Variants in CDH13 observed in about 807,000 individuals in gnomAD.
CDH13 encodes the protein cadherin 13.
A neutral mutation model predicts 63.8 loss-of-function variants in CDH13; 24 were observed. The observed-to-expected ratio is 0.38, with a 90% CI of 0.27 to 0.53. CDH13 has a LOEUF of 0.53. CDH13 is among the 20% of genes least tolerant of loss of function. CDH13 has a pLI of 0.85. For synonymous variants in CDH13, 503 were observed against 355.3 expected, an observed-to-expected ratio of 1.42 and a Z score of -4.67; for missense variants, 1,049 against 903.1, an observed-to-expected ratio of 1.16 and a Z score of -2.07.
At chr16:83,114,943 T>G (rs923334135) in intron 3 of CDH13, among the ~76,000 whole-genome samples, 23 of 152,246 alleles carry the variant, frequency 1.5e-4, no homozygotes, top group African/African-American at 5.5e-4. Context: ...GATTGGCTTC[T>G]GCAGTTCCAT....
intron 8 of CDH13, among the ~76,000 whole-genome samples, chr16:83,657,724 G>C (rs1033262708): frequency 6.6e-6 from 1 of 152,182 alleles, no homozygotes; most frequent in East Asian, 1.9e-4. Flanking sequence ...TACTGCATTT[G>C]CTTGCTTAGC....
intron 4 of CDH13, among the ~76,000 whole-genome samples, chr16:83,167,738 G>A (rs1239766008): frequency 6.7e-6 from 1 of 150,018 alleles, no homozygotes; most frequent in Non-Finnish European, 1.5e-5. Flanking sequence ...CCCTCCTTCT[G>A]GTTTCCATTT....
At chr16:83,269,761 T>C (rs2088743871) in intron 5 of CDH13, among the ~76,000 whole-genome samples, 1 of 152,186 alleles carries the variant, frequency 6.6e-6, no homozygotes, top group African/African-American at 2.4e-5. Flanking sequence ...GCCTTGCTCC[T>C]CACCAGGTAA....
At chr16:83,524,753 A>C (rs2074920672) in intron 7 of CDH13, among the ~76,000 whole-genome samples, 2 of 152,050 alleles carry the variant, frequency 1.3e-5, no homozygotes, top group Admixed American at 6.5e-5. Flanking sequence ...CGCCCGGCCA[A>C]ATTGCATGTC....
chr16:83,717,651 T>A (rs1454347085), intron 10 of CDH13, among the ~76,000 whole-genome samples: 2 of 152,246 alleles, frequency 1.3e-5, no homozygotes, highest in Non-Finnish European at 2.9e-5. Context: ...ACTGCCTCAA[T>A]TTCCTTACCT....
chr16:82,694,708 A>T (rs1327608945), intron 1 of CDH13, among the ~76,000 whole-genome samples: 1 of 152,226 alleles, frequency 6.6e-6, no homozygotes, highest in Non-Finnish European at 1.5e-5. Context: ...CTACTGAATG[A>T]ATGAACCACC....
At chr16:82,653,354 A>G (rs116988583) in intron 1 of CDH13, among the ~76,000 whole-genome samples, 7,086 of 152,310 alleles carry the variant, frequency 0.047, 228 homozygotes, top group Non-Finnish European at 0.073. Context: ...AAATAAAAGT[A>G]TGCTCAGCCT....
chr16:83,221,713 A>G (rs959819237), intron 5 of CDH13, among the ~76,000 whole-genome samples: 1 of 152,036 alleles, frequency 6.6e-6, no homozygotes, highest in East Asian at 1.9e-4. Flanking sequence ...AACAGGAAGC[A>G]TGGCCAAGAC....
intron 1 of CDH13, among the ~76,000 whole-genome samples, chr16:82,640,120 G>C (rs1044965654): frequency 6.6e-6 from 1 of 152,210 alleles, no homozygotes; most frequent in Non-Finnish European, 1.5e-5. Context: ...TGGTAGTTTT[G>C]CGTAGTGATA....
intron 2 of CDH13, among the ~76,000 whole-genome samples, chr16:82,978,241 G>A (rs1032085991): frequency 3.3e-5 from 5 of 152,192 alleles, no homozygotes; most frequent in Non-Finnish European, 7.4e-5. Flanking sequence ...AAGGGAAGCA[G>A]AACATAAAAG....
At chr16:83,725,301 G>A (rs546249521) in intron 10 of CDH13, among the ~76,000 whole-genome samples, 2 of 152,318 alleles carry the variant, frequency 1.3e-5, no homozygotes, top group East Asian at 1.9e-4. Context: ...GGACTGCAAC[G>A]GGTCTTGTGT....
At chr16:82,726,910 C>T (rs2033127945) in intron 1 of CDH13, among the ~76,000 whole-genome samples, 1 of 152,118 alleles carries the variant, frequency 6.6e-6, no homozygotes, top group Non-Finnish European at 1.5e-5. Flanking sequence ...TGTCTGAGGC[C>T]AGAGTTAGAC....
chr16:83,031,982 T>C (rs1916397573), intron 2 of CDH13, 28 bp from the exon 3 acceptor site: 1 of 1,542,954 alleles, frequency 6.5e-7, no homozygotes, highest in Non-Finnish European at 8.8e-7. Flanking sequence ...CTACTCATGC[T>C]CCTTCTGTTG....
intron 5 of CDH13, among the ~76,000 whole-genome samples, chr16:83,312,084 AAAG>A (rs2090013336): frequency 6.6e-6 from 1 of 151,684 alleles, no homozygotes; most frequent in Admixed American, 6.6e-5. Flanking sequence ...AAAAAAAAAA[AAAG>A]AATCTTGGGA....
At chr16:83,146,629 A>G (rs2036762711) in intron 4 of CDH13, among the ~76,000 whole-genome samples, 1 of 152,268 alleles carries the variant, frequency 6.6e-6, no homozygotes. Flanking sequence ...CACGTTAACC[A>G]GAATGGTATT....
intron 7 of CDH13, among the ~76,000 whole-genome samples, chr16:83,597,329 C>T (rs772449194): frequency 2.6e-5 from 4 of 152,188 alleles, no homozygotes; most frequent in South Asian, 2.1e-4. Flanking sequence ...GACTATTAGA[C>T]AGCTGTTAAA....
intron 5 of CDH13, among the ~76,000 whole-genome samples, chr16:83,341,471 A>T (rs890977242): frequency 4.6e-5 from 7 of 152,200 alleles, no homozygotes; most frequent in African/African-American, 1.4e-4. Context: ...CAACTTCCTC[A>T]TGCATATGCA....
rs62036335 is a variant in CDH13, at chr16:82,693,590, G to A, written c.45+66453G>A. Among the ~76,000 whole-genome samples, 421 of 152,288 alleles carry A rather than the reference G, an allele frequency of 2.8e-3. 3 individuals are homozygous for A. Among genetic ancestry groups the A allele is most frequent in the South Asian group, 0.019 (94 of 4,828 alleles). On this transcript the variant is annotated intron_variant, in intron 1 of 13. Transcript: ENST00000567109. ...TTAAACCCTGTATAAGAACCTCCAA[G>A]TAGACACTTATGCAAACATGCCAAG... is the stretch of plus-strand genomic sequence containing the variant.
At chr16:83,159,435 T>C (rs2037352152) in intron 4 of CDH13, among the ~76,000 whole-genome samples, 1 of 151,830 alleles carries the variant, frequency 6.6e-6, no homozygotes, top group African/African-American at 2.4e-5. Context: ...GGGTATCATA[T>C]GGGGTCAGTC....
Sources: gnomAD v4.1 joint callset for allele counts (sites outside exome capture counted in the v4.1 genomes callset) on GRCh38, gnomAD v4.1.1 for gene constraint, MANE v1.5 for transcripts, NCBI Gene and HGNC (gene_info 2026-07-23, HGNC 2026-07-21) for gene names.